PRKAR1A: variants seen among roughly 807,000 people sequenced by gnomAD.
PRKAR1A encodes cAMP-dependent protein kinase type I-alpha regulatory subunit.
Under a neutral mutation model 52.0 loss-of-function variants are expected in PRKAR1A, and 3 were observed. The observed-to-expected ratio is 0.06, with a 90% CI of 0.03 to 0.15. The LOEUF is 0.15. PRKAR1A is among the 10% of genes least tolerant of loss of function. The pLI, the probability that PRKAR1A is intolerant of heterozygous loss-of-function variation, is 1.00. For synonymous variants in PRKAR1A, 188 were observed against 168.4 expected (o/e 1.12, Z -0.90); for missense variants, 240 against 477.4 (o/e 0.50, Z 4.63).
chr17:68,459,245 C>T, the PRKAR1A span, among the ~76,000 whole-genome samples: 4 of 152,342 alleles, frequency 2.6e-5, no homozygotes, highest in South Asian at 4.1e-4. Flanking sequence ...TGCTTCCCCC[C>T]ACCTTCCAGC....
At chr17:68,477,369 C>G in the PRKAR1A span, among the ~76,000 whole-genome samples, 1 of 152,174 alleles carries the variant, frequency 6.6e-6, no homozygotes, top group Non-Finnish European at 1.5e-5. Context: ...AGAGCCAAGA[C>G]TCACTATGAG....
intron 8 of PRKAR1A, among the ~76,000 whole-genome samples, chr17:68,528,359 CTCT>C (rs1048390270): frequency 6.6e-5 from 10 of 152,054 alleles, no homozygotes; most frequent in African/African-American, 1.9e-4. Flanking sequence ...AATTTTTCAC[CTCT>C]TCTTTGTCTT....
chr17:68,518,217 T>G (rs1222491940), intron 2 of PRKAR1A, among the ~76,000 whole-genome samples: 1 of 152,112 alleles, frequency 6.6e-6, no homozygotes, highest in African/African-American at 2.4e-5. Context: ...CATTCTGGAG[T>G]CTGGAGGATA....
upstream of PRKAR1A, among the ~76,000 whole-genome samples, chr17:68,509,504 T>C (rs1483247363): frequency 6.6e-6 from 1 of 152,188 alleles, no homozygotes; most frequent in African/African-American, 2.4e-5. Context: ...AGAAACATAT[T>C]TTTAAACTGA....
chr17:68,541,413 TCA>T, intron 11 of PRKAR1A: 3 of 220,362 alleles, frequency 1.4e-5, no homozygotes, highest in Non-Finnish European at 1.8e-5. Flanking sequence ...TTCTCAGCCT[TCA>T]CAGAGTCCCT....
At chr17:68,492,140 G>A in the PRKAR1A span, among the ~76,000 whole-genome samples, 10 of 152,216 alleles carry the variant, frequency 6.6e-5, no homozygotes, top group Non-Finnish European at 1.2e-4. Flanking sequence ...TGTGGCATTC[G>A]AAGTGAAAGC....
chr17:68,477,717 T>A, the PRKAR1A span, among the ~76,000 whole-genome samples: 64 of 151,796 alleles, frequency 4.2e-4, no homozygotes, highest in African/African-American at 1.5e-3. Flanking sequence ...TTGGTATATC[T>A]TCCATTTTTA....
the PRKAR1A span, among the ~76,000 whole-genome samples, chr17:68,452,360 T>C: frequency 4.6e-5 from 7 of 151,962 alleles, no homozygotes; most frequent in Non-Finnish European, 2.9e-5. Context: ...AAGTCAGGAG[T>C]TGGAGACCAG....
At chr17:68,455,260 G>A in the PRKAR1A span, among the ~76,000 whole-genome samples, 2 of 151,778 alleles carry the variant, frequency 1.3e-5, no homozygotes, top group Non-Finnish European at 2.9e-5. Flanking sequence ...CTACTTGAGA[G>A]GCTGAGACAG....
At chr17:68,420,543 A>G in the PRKAR1A span, 12 of 1,469,718 alleles carry the variant, frequency 8.2e-6, no homozygotes, top group Middle Eastern at 1.8e-4. Context: ...TACCCTCTTT[A>G]CAAACACACG....
chr17:68,460,414 A>G, the PRKAR1A span, among the ~76,000 whole-genome samples: 1 of 152,216 alleles, frequency 6.6e-6, no homozygotes, highest in Non-Finnish European at 1.5e-5. Context: ...GTTGTATTTC[A>G]TTTCAGACAC....
At chr17:68,503,677 T>C in the PRKAR1A span, among the ~76,000 whole-genome samples, 1 of 152,084 alleles carries the variant, frequency 6.6e-6, no homozygotes, top group Non-Finnish European at 1.5e-5. Flanking sequence ...ATAAGGAGCT[T>C]GAACAACTAT....
the PRKAR1A span, among the ~76,000 whole-genome samples, chr17:68,456,109 G>T: frequency 2.6e-5 from 4 of 152,202 alleles, no homozygotes. Context: ...TGTGTTATGG[G>T]TATTGGGTGA....
At chr17:68,478,223 G>C in the PRKAR1A span, among the ~76,000 whole-genome samples, 2 of 152,268 alleles carry the variant, frequency 1.3e-5, no homozygotes, top group Middle Eastern at 3.4e-3. Flanking sequence ...GGGGGCCGAG[G>C]GGGGTGGATC....
chr17:68,434,949 C>A, the PRKAR1A span, among the ~76,000 whole-genome samples: 1 of 152,160 alleles, frequency 6.6e-6, no homozygotes, highest in Non-Finnish European at 1.5e-5. Flanking sequence ...CGCCTGTAAT[C>A]CTAGCACTTT....
At chr17:68,535,494 G>T (rs779967857), downstream of PRKAR1A, 7 of 454,024 alleles carry the variant, frequency 1.5e-5, no homozygotes, top group South Asian at 1.1e-4. Flanking sequence ...TTTTTACCCA[G>T]ATATTTTCCC....
At chr17:68,420,460 A>G in the PRKAR1A span, 1 of 1,605,888 alleles carries the variant, frequency 6.2e-7, no homozygotes, top group African/African-American at 1.3e-5. Flanking sequence ...GTCAAGCCGC[A>G]TAACAGACCA....
rs2085942539 is a variant in PRKAR1A, at chr17:68,530,431, T to C, written c.1128T>C (p.Phe376=). The part of the protein sequence containing the change: ...LKRNIQQYNS[F]VSLSV ...GAAACATCCAGCAGTACAACAGTTT[T>C]GTGTCACTGTCTGTCTGAAATCTGC... The change falls in exon 11 of 11, where the codon TTT becomes TTC. Residue 376 remains phenylalanine, a synonymous_variant. Coordinates refer to ENST00000589228, the MANE Select transcript of PRKAR1A (RefSeq NM_002734.5). 2 of 1,614,004 alleles carry C rather than the reference T, an allele frequency of 1.2e-6. No individual in the cohort carries two copies. The highest frequency in any genetic ancestry group is 1.3e-5 in the African/African-American group (1 of 74,928).
chr17:68,430,134 C>T, the PRKAR1A span: 5 of 1,613,748 alleles, frequency 3.1e-6, no homozygotes, highest in Non-Finnish European at 4.2e-6. Context: ...CATGTAGCCA[C>T]TCCAGGTCGA....
Sources: gnomAD v4.1 joint callset for allele counts (sites outside exome capture counted in the v4.1 genomes callset) on GRCh38, gnomAD v4.1.1 for gene constraint, MANE v1.5 for transcripts, NCBI Gene and HGNC (gene_info 2026-07-23, HGNC 2026-07-21) for gene names.